The following ARHGAP24 variants were observed in gnomAD, a reference collection of about 807,000 sequenced individuals.
ARHGAP24 encodes Rho GTPase activating protein 24, also known as rho GTPase-activating protein 24.
Under a neutral mutation model 76.4 loss-of-function variants are expected in ARHGAP24, and 50 were observed. The observed-to-expected ratio is 0.65, with a 90% CI of 0.52 to 0.83. The LOEUF is 0.83. Ranked by LOEUF, ARHGAP24 falls within the 40% of genes least tolerant of loss-of-function variation. The pLI is 0.00. For synonymous variants in ARHGAP24, 345 were observed against 323.3 expected, an observed-to-expected ratio of 1.07 and a Z score of -0.72; for missense variants, 930 against 914.2, an observed-to-expected ratio of 1.02 and a Z score of -0.22.
chr4:85,952,969 A>C (rs2148834032), intron 5 of ARHGAP24, among the ~76,000 whole-genome samples: 1 of 152,348 alleles, frequency 6.6e-6, no homozygotes. Flanking sequence ...AGAATGTGTA[A>C]AATCAAATTA....
chr4:85,683,125 G>GA (rs140818785), intron 2 of ARHGAP24, among the ~76,000 whole-genome samples: 3 of 107,658 alleles, frequency 2.8e-5, no homozygotes, highest in Non-Finnish European at 3.8e-5. Context: ...GGTGGGGGGG[G>GA]GGTGCGGGGG....
intron 2 of ARHGAP24, among the ~76,000 whole-genome samples, chr4:85,677,950 G>A (rs1376050152): frequency 1.3e-5 from 2 of 152,022 alleles, no homozygotes; most frequent in Admixed American, 6.6e-5. Flanking sequence ...TGAGGCAAGA[G>A]CATCACTTGA....
At chr4:85,704,603 G>A (rs533929801) in intron 2 of ARHGAP24, among the ~76,000 whole-genome samples, 107 of 152,198 alleles carry the variant, frequency 7.0e-4, no homozygotes, top group African/African-American at 2.5e-3. Flanking sequence ...CCTGTGGAGG[G>A]ATTAAAAACT....
intron 8 of ARHGAP24, among the ~76,000 whole-genome samples, chr4:85,987,535 C>T (rs1252227984): frequency 2.6e-5 from 4 of 151,796 alleles, no homozygotes; most frequent in African/African-American, 9.7e-5. Flanking sequence ...TGATAGCAGA[C>T]AAGGATATTA....
chr4:85,691,773 G>A (rs768899397), intron 2 of ARHGAP24, among the ~76,000 whole-genome samples: 2 of 152,158 alleles, frequency 1.3e-5, no homozygotes, highest in Non-Finnish European at 2.9e-5. Context: ...AAATGGTTGG[G>A]TGTTACCTTT....
intron 3 of ARHGAP24, among the ~76,000 whole-genome samples, chr4:85,791,982 G>A (rs188118476): frequency 4.6e-3 from 696 of 152,222 alleles, no homozygotes; most frequent in South Asian, 0.01. Context: ...ATGTGGTCAG[G>A]TTTGAGTTAC....
chr4:85,502,099 A>G (rs1436067238), intron 1 of ARHGAP24, among the ~76,000 whole-genome samples: 1 of 152,180 alleles, frequency 6.6e-6, no homozygotes, highest in African/African-American at 2.4e-5. Flanking sequence ...TTTTGGTACC[A>G]ATACCATGCT....
intron 3 of ARHGAP24, among the ~76,000 whole-genome samples, chr4:85,853,025 A>C (rs568974731): frequency 6.6e-6 from 1 of 152,228 alleles, no homozygotes; most frequent in African/African-American, 2.4e-5. Flanking sequence ...AGACAAGGAC[A>C]TTTAAGTCTG....
chr4:85,883,442 G>A (rs1733371519), intron 3 of ARHGAP24, among the ~76,000 whole-genome samples: 1 of 152,144 alleles, frequency 6.6e-6, no homozygotes. Flanking sequence ...TATGATAAGA[G>A]ACTGTTCCAA....
At chr4:85,641,617 A>C (rs534171910) in intron 2 of ARHGAP24, among the ~76,000 whole-genome samples, 10 of 152,306 alleles carry the variant, frequency 6.6e-5, no homozygotes, top group Admixed American at 1.3e-4. Context: ...ACCACCTTGC[A>C]ATACCTCAAT....
At chr4:85,726,774 A>G (rs1002018747) in intron 3 of ARHGAP24, among the ~76,000 whole-genome samples, 1 of 152,156 alleles carries the variant, frequency 6.6e-6, no homozygotes, top group Non-Finnish European at 1.5e-5. Context: ...GTATCGCTTT[A>G]TTTAATCCTT....
intron 2 of ARHGAP24, among the ~76,000 whole-genome samples, chr4:85,641,780 G>C (rs1053456456): frequency 2.6e-5 from 4 of 152,160 alleles, no homozygotes; most frequent in Admixed American, 6.5e-5. Context: ...GGTGAGGTAT[G>C]GGGGAAAGGG....
intron 1 of ARHGAP24, among the ~76,000 whole-genome samples, chr4:85,502,152 A>G (rs1266021776): frequency 1.3e-5 from 2 of 152,216 alleles, no homozygotes; most frequent in African/African-American, 4.8e-5. Flanking sequence ...GAAGTCAGAC[A>G]GTGTGATGTC....
chr4:85,546,414 C>T (rs748184044), intron 1 of ARHGAP24, among the ~76,000 whole-genome samples: 1 of 152,054 alleles, frequency 6.6e-6, no homozygotes, highest in Non-Finnish European at 1.5e-5. Flanking sequence ...ACTTACTGCC[C>T]TTTTACCTCT....
At chr4:85,490,422 T>C (rs1291142242) in intron 1 of ARHGAP24, among the ~76,000 whole-genome samples, 1 of 152,206 alleles carries the variant, frequency 6.6e-6, no homozygotes, top group African/African-American at 2.4e-5. Flanking sequence ...AGCTTTGCTT[T>C]GAAATAAAGA....
rs115476590 is a variant in ARHGAP24 at position 85,599,588 on chromosome 4, G to A, written c.180+28867G>A. Among the ~76,000 whole-genome samples, 1,274 of 152,178 alleles carry A rather than the reference G, an allele frequency of 8.4e-3. 20 individuals carry two copies. Among genetic ancestry groups the A allele is most frequent in the African/African-American group, 0.029 (1,215 of 41,520 alleles). On this transcript the variant is annotated intron_variant, in intron 2 of 9. Coordinates refer to ENST00000395184, the MANE Select transcript of ARHGAP24 (RefSeq NM_001025616.3). ...GTTATATTAATAACCACACTTTGAT[G>A]TTGATGTAACAGCATGGCACCTCAT...
chr4:85,991,992 C>A (rs760526514), intron 8 of ARHGAP24: 2 of 392,286 alleles, frequency 5.1e-6, no homozygotes, highest in Non-Finnish European at 9.0e-6. Flanking sequence ...ATGAAAAGTG[C>A]CTATTATGTG....
In ARHGAP24 at chr4:85,560,660, C is replaced by T. The variant is rs564950977; in HGVS notation, c.-20-9862C>T. Among the ~76,000 whole-genome samples the T allele has an allele frequency of 4.6e-5, 7 of 152,274 alleles. No homozygotes were observed. The East Asian group carries it at 1.2e-3, about 25-fold the overall frequency. On this transcript the variant is annotated intron_variant, in intron 1 of 9. Coordinates refer to ENST00000395184, the MANE Select transcript of ARHGAP24 (RefSeq NM_001025616.3). ...TGACTTTATATTCGTGGCTGTTGTG[C>T]TTCATTTAATTCCCATTGTTCTTTT...
At chr4:85,894,984 A>AAAAAAAAAAAAG (rs1734075435) in intron 3 of ARHGAP24, among the ~76,000 whole-genome samples, 1 of 20,838 alleles carries the variant, frequency 4.8e-5, no homozygotes, top group African/African-American at 2.2e-4. Flanking sequence ...AAAAAAAAAA[A>AAAAAAAAAAAAG]AAAACAAAAC....
Sources: allele counts gnomAD v4.1 joint callset (sites outside exome capture counted in the v4.1 genomes callset), GRCh38; gene constraint gnomAD v4.1.1; transcripts MANE v1.5; gene names NCBI Gene and HGNC (gene_info 2026-07-23, HGNC 2026-07-21).